The following PPARGC1A variants were observed in gnomAD, a reference collection of about 807,000 sequenced individuals.
PPARGC1A encodes PPARG coactivator 1 alpha, also known as peroxisome proliferator-activated receptor gamma coactivator 1-alpha.
PPARGC1A carries 25 observed loss-of-function variants against 88.7 expected under a neutral mutation model. That is an observed-to-expected ratio of 0.28 (90% CI 0.21 to 0.39). PPARGC1A has a LOEUF of 0.39. PPARGC1A is among the 10% of genes least tolerant of loss of function. PPARGC1A has a pLI of 1.00. For synonymous variants in PPARGC1A, 363 were observed against 355.6 expected, an observed-to-expected ratio of 1.02 and a Z score of -0.24; for missense variants, 880 against 968.7, an observed-to-expected ratio of 0.91 and a Z score of 1.22.
the PPARGC1A span, among the ~76,000 whole-genome samples, chr4:24,427,229 A>G: frequency 7.6e-4 from 115 of 151,696 alleles, no homozygotes; most frequent in African/African-American, 2.7e-3. Context: ...ATTTTTGCAT[A>G]CTTAAAATAT....
the PPARGC1A span, among the ~76,000 whole-genome samples, chr4:24,066,355 T>G: frequency 6.6e-6 from 1 of 152,248 alleles, no homozygotes; most frequent in South Asian, 2.1e-4. Flanking sequence ...GACAAAAAGT[T>G]AATACTAATA....
chr4:23,906,467 G>A (rs1040998841), upstream of PPARGC1A, among the ~76,000 whole-genome samples: 6 of 151,846 alleles, frequency 4.0e-5, no homozygotes, highest in African/African-American at 1.5e-4. Flanking sequence ...ACAAAAATTA[G>A]CTGGGCATGG....
chr4:24,073,200 C>G, the PPARGC1A span, among the ~76,000 whole-genome samples: 1 of 152,078 alleles, frequency 6.6e-6, no homozygotes, highest in Non-Finnish European at 1.5e-5. Flanking sequence ...TGCCACCACA[C>G]CCAACTAATT....
the PPARGC1A span, among the ~76,000 whole-genome samples, chr4:23,921,274 C>T: frequency 1.7e-4 from 26 of 151,438 alleles, no homozygotes; most frequent in Admixed American, 9.9e-4. Context: ...CAAGTGCATG[C>T]GTGTGTGTGT....
At chr4:23,986,995 G>T in the PPARGC1A span, among the ~76,000 whole-genome samples, 2 of 152,144 alleles carry the variant, frequency 1.3e-5, no homozygotes, top group African/African-American at 4.8e-5. Flanking sequence ...CCAAGAGAAT[G>T]AACACAGAAC....
At chr4:24,468,736 T>C in the PPARGC1A span, among the ~76,000 whole-genome samples, 1 of 152,212 alleles carries the variant, frequency 6.6e-6, no homozygotes, top group Non-Finnish European at 1.5e-5. Context: ...GTTTCCAATT[T>C]TCCAGGTCTA....
chr4:24,434,722 T>C, the PPARGC1A span, among the ~76,000 whole-genome samples: 3 of 152,186 alleles, frequency 2.0e-5, no homozygotes, highest in African/African-American at 7.2e-5. Flanking sequence ...AAACGCAGAT[T>C]GCCCCTCGAT....
At chr4:24,049,308 G>GTATATATATATA in the PPARGC1A span, among the ~76,000 whole-genome samples, 97 of 139,534 alleles carry the variant, frequency 7.0e-4, no homozygotes, top group African/African-American at 1.7e-3. Flanking sequence ...ATATATGTGT[G>GTATATATATATA]TATATATATA....
At chr4:24,273,889 C>T in the PPARGC1A span, among the ~76,000 whole-genome samples, 2 of 151,658 alleles carry the variant, frequency 1.3e-5, no homozygotes, top group South Asian at 2.1e-4. Context: ...CGCCACCACG[C>T]CCAGCTAATT....
chr4:24,072,133 T>C, the PPARGC1A span, among the ~76,000 whole-genome samples: 1 of 147,530 alleles, frequency 6.8e-6, no homozygotes, highest in South Asian at 2.1e-4. Flanking sequence ...TATATATTTA[T>C]AATTTTTTAT....
At chr4:24,294,129 C>G in the PPARGC1A span, among the ~76,000 whole-genome samples, 1 of 152,120 alleles carries the variant, frequency 6.6e-6, no homozygotes, top group Non-Finnish European at 1.5e-5. Flanking sequence ...ATACCAAAGC[C>G]GAGGCTTTTG....
the PPARGC1A span, among the ~76,000 whole-genome samples, chr4:24,419,130 G>A: frequency 6.6e-6 from 1 of 152,068 alleles, no homozygotes; most frequent in African/African-American, 2.4e-5. Context: ...AGGAGAGGGG[G>A]CTGGCACAAA....
the PPARGC1A span, among the ~76,000 whole-genome samples, chr4:24,195,099 A>G: frequency 2.6e-5 from 4 of 152,268 alleles, no homozygotes; most frequent in South Asian, 8.3e-4. Context: ...TATCTCATCT[A>G]CTCTGTTAAA....
chr4:24,024,854 T>C, the PPARGC1A span, among the ~76,000 whole-genome samples: 1 of 152,296 alleles, frequency 6.6e-6, no homozygotes. Flanking sequence ...ACAGCTAATA[T>C]AATATCAAGT....
At chr4:24,074,371 A>G in the PPARGC1A span, among the ~76,000 whole-genome samples, 3 of 152,150 alleles carry the variant, frequency 2.0e-5, no homozygotes, top group African/African-American at 7.2e-5. Flanking sequence ...AATTAAATGT[A>G]AACTACCACA....
the PPARGC1A span, among the ~76,000 whole-genome samples, chr4:23,997,324 G>A: frequency 1.3e-5 from 2 of 152,006 alleles, no homozygotes; most frequent in Non-Finnish European, 1.5e-5. Flanking sequence ...ATCATGCATT[G>A]AGAAGTTGGA....
chr4:24,224,766 G>T, the PPARGC1A span, among the ~76,000 whole-genome samples: 12 of 152,276 alleles, frequency 7.9e-5, no homozygotes, highest in African/African-American at 2.6e-4. Flanking sequence ...TGCAAGCCAT[G>T]GAGAAGTGCA....
intron 10 of PPARGC1A, among the ~76,000 whole-genome samples, chr4:23,806,421 G>C (rs1000569637): frequency 6.6e-6 from 1 of 152,092 alleles, no homozygotes; most frequent in Non-Finnish European, 1.5e-5. Context: ...AATTTTTCAA[G>C]ACATTAATTT....
the PPARGC1A span, among the ~76,000 whole-genome samples, chr4:24,088,841 G>A: frequency 6.6e-6 from 1 of 152,128 alleles, no homozygotes; most frequent in Non-Finnish European, 1.5e-5. Flanking sequence ...AGATGGCATA[G>A]CAACAAAAGT....
Sources: allele counts gnomAD v4.1 joint callset (sites outside exome capture counted in the v4.1 genomes callset), GRCh38; gene constraint gnomAD v4.1.1; transcripts MANE v1.5; gene names NCBI Gene and HGNC (gene_info 2026-07-23, HGNC 2026-07-21).